Variants in SPTA1 observed in about 807,000 individuals in gnomAD.
The protein encoded by SPTA1 is spectrin alpha, erythrocytic 1, also known as spectrin alpha chain, erythrocytic 1.
SPTA1 carries 177 observed loss-of-function variants against 324.7 expected under a neutral mutation model. The observed-to-expected ratio is 0.55, with a 90% CI of 0.48 to 0.62. SPTA1 has a LOEUF of 0.62. Ranked by LOEUF, SPTA1 falls within the 20% of genes least tolerant of loss-of-function variation. The pLI is 0.00. For synonymous variants in SPTA1, 1,195 were observed against 1,041.3 expected (o/e 1.15, Z -2.84); for missense variants, 3,162 against 2,883.6 (o/e 1.10, Z -2.21).
intron 7 of SPTA1, 43 bp from the exon 8 acceptor site, chr1:158,676,338 T>C: frequency 1.9e-6 from 3 of 1,609,570 alleles, no homozygotes; most frequent in African/African-American, 1.3e-5. Flanking sequence ...CCAAGTACTC[T>C]GACTCCCCCT....
In SPTA1 at chr1:158,686,654, C is replaced by T; in HGVS notation, c.-137G>A. On this transcript the variant is annotated 5_prime_UTR_variant, in exon 1 of 52. Coordinates refer to ENST00000643759, the MANE Select transcript of SPTA1 (RefSeq NM_003126.4). ...TAAGTATGTGGGGGAAAAAAAAAAA[C>T]CTCTTGCTTGGTCCTAGAATCCCAT... 1 of 622,628 alleles carries T rather than the reference C, an allele frequency of 1.6e-6. No homozygotes were observed. Among genetic ancestry groups the T allele is most frequent in the East Asian group, 2.9e-5 (1 of 34,784 alleles). 38.6% of individuals were successfully genotyped at this position (622,628 alleles called of 1,614,324 possible).
chr1:158,615,463 G>A, intron 47 of SPTA1, 60 bp from the exon 48 acceptor site: 6 of 1,524,746 alleles, frequency 3.9e-6, no homozygotes, highest in Non-Finnish European at 5.5e-6. Context: ...TCAAAACCTA[G>A]AGGTGGAAGA....
chr1:158,674,319 A>G lies in SPTA1; in HGVS notation c.1350+10T>C. ...ATTGGAATTTGACAAACTCTGTTAA[A>G]CTAGATTACCTTTTCCCGAACTTCA... On this transcript the variant is annotated intron_variant, in intron 10 of 51. Coordinates refer to ENST00000643759, the MANE Select transcript of SPTA1 (RefSeq NM_003126.4). 2 of 1,613,450 alleles carry G rather than the reference A, an allele frequency of 1.2e-6. No homozygotes were observed. The highest frequency in any genetic ancestry group is 1.7e-6 in the Non-Finnish European group (2 of 1,179,394).
intron 18 of SPTA1, among the ~76,000 whole-genome samples, chr1:158,658,299 C>G (rs1026342932): frequency 6.6e-6 from 1 of 152,130 alleles, no homozygotes; most frequent in Admixed American, 6.5e-5. Context: ...GACAAGAGAA[C>G]TAGAACTTGT....
At chr1:158,654,882 A>T in intron 20 of SPTA1, 134 bp from the exon 21 acceptor site, 1 of 1,191,456 alleles carries the variant, frequency 8.4e-7, no homozygotes. Context: ...GTGGCTGCAG[A>T]GATTAAAGTA....
rs553043635 is a variant in SPTA1 at position 158,613,842 on chromosome 1, G to A, written c.6868C>T (p.Arg2290Cys). The change falls in exon 50 of 52, where the codon CGC becomes TGC. Residue 2290 changes from arginine (R) to cysteine (C), a missense_variant. Transcript: ENST00000643759. ...YKHFDENLTGRLTHKEFRSCL... is the reference protein window; with the variant it reads ...YKHFDENLTGCLTHKEFRSCL... ...GACCGGAACTCTTTGTGAGTCAGGC[G>A]CCCTGTCAAATTCTCATCAAAGTGT... The A allele has an allele frequency of 5.7e-5, 92 of 1,613,644 alleles. No homozygotes were observed. Among genetic ancestry groups the A allele is most frequent in the Middle Eastern group, 1.6e-4 (1 of 6,074 alleles).
Position 158,666,480 on chromosome 1 carries a change from C to A in SPTA1, c.2056G>T (p.Ala686Ser). The change falls in exon 16 of 52, where the codon GCC (alanine) becomes TCC (serine). Residue 686 changes from alanine to serine, a missense_variant. Coordinates refer to ENST00000643759, the MANE Select transcript of SPTA1 (RefSeq NM_003126.4). ...TKQKGTQLHE[A>S]NQQLQFENNA... ...TTTTCAAATTGCAGCTGCTGGTTGG[C>A]CTCATGCAACTGGGTCCCTGGGAGA... The A allele has an allele frequency of 6.2e-7, 1 of 1,609,590 alleles. No individual in the cohort carries two copies. The highest frequency in any genetic ancestry group is 8.5e-7 in the Non-Finnish European group (1 of 1,179,940).
At chr1:158,623,970 G>A (rs1462125137) in intron 42 of SPTA1, among the ~76,000 whole-genome samples, 4 of 152,332 alleles carry the variant, frequency 2.6e-5, no homozygotes, top group Middle Eastern at 3.4e-3. Flanking sequence ...AAGGGGCCAA[G>A]GTGCAACTCA....
intron 35 of SPTA1, 175 bp downstream of exon 35, chr1:158,639,407 C>T (rs1359311159): frequency 1.5e-6 from 1 of 659,330 alleles, no homozygotes; most frequent in Non-Finnish European, 2.7e-6. Flanking sequence ...TTATCAGTGA[C>T]AGTTTTAATG....
intron 16 of SPTA1, 54 bp downstream of exon 16, chr1:158,666,262 G>C: frequency 6.3e-7 from 1 of 1,585,448 alleles, no homozygotes. Context: ...TAACGAGTGT[G>C]CTCAGAGCAT....
At position 158,643,334 on chromosome 1, in the gene SPTA1, C is replaced by T. The variant is rs370469842; in HGVS notation, c.4430G>A (p.Arg1477His). ...AKEEIATRLQ[R>H]VLDRWKALKA... ...ACTCAGGCCTGACCTGTCTAGTACA[C>T]GTTGGAGCCGCGTAGCAATCTCTTC... Residue 1477 changes from arginine (R) to histidine (H), a missense_variant, in exon 31 of 52, where the codon CGT becomes CAT. By Grantham distance (29) the Arg-to-His change is conservative. Transcript: ENST00000643759. 28 of 1,613,746 alleles carry T rather than the reference C, an allele frequency of 1.7e-5. No individual in the cohort carries two copies. Among genetic ancestry groups the T allele is most frequent in the East Asian group, 4.5e-5 (2 of 44,874 alleles).
In SPTA1 at chr1:158,651,468, C is replaced by T. The variant is rs146014855; in HGVS notation, c.3376G>A (p.Asp1126Asn). Residue 1126 changes from aspartate to asparagine, a missense_variant and splice_region_variant, in exon 24 of 52, where the codon GAT (aspartate) becomes AAT (asparagine). Coordinates refer to ENST00000643759, the MANE Select transcript of SPTA1 (RefSeq NM_003126.4). ...LQKKFDEFQK[D>N]LNTNEPRLRD... The stretch of plus-strand genomic sequence containing the variant: ...AGCCGAGGCTCATTGGTATTCAAAT[C>T]CTGAATGGGAAAATTCATCCAAAGC... The T allele has an allele frequency of 1.9e-6, 3 of 1,602,202 alleles. No homozygotes were observed. The highest frequency in any genetic ancestry group is 1.3e-5 in the African/African-American group (1 of 74,740).
At chr1:158,668,622 A>G (rs1329533980) in intron 14 of SPTA1, among the ~76,000 whole-genome samples, 1 of 152,226 alleles carries the variant, frequency 6.6e-6, no homozygotes, top group African/African-American at 2.4e-5. Context: ...CGGCCTAGAA[A>G]TCAAAAGCCT....
Position 158,672,161 on chromosome 1 carries a change from C to A in SPTA1, c.1386G>T (p.Leu462=). 6.2e-7 allele frequency: 1 copy of A among 1,614,020 alleles called. No homozygotes were observed. Among genetic ancestry groups the A allele is most frequent in the Non-Finnish European group, 8.5e-7 (1 of 1,179,962 alleles). ...GACGATGACGCTCGTCCCACAGTTC[C>A]AGCAGGGCAGTCCAGTTGTTGTCAA... ...EILDNNWTAL[L]ELWDERHRQY... Residue 462 remains leucine (L), a synonymous_variant, in exon 11 of 52, where the codon CTG becomes CTT. Coordinates refer to ENST00000643759, the MANE Select transcript of SPTA1 (RefSeq NM_003126.4).
intron 39 of SPTA1, among the ~76,000 whole-genome samples, chr1:158,633,184 G>T (rs896090939): frequency 7.9e-5 from 12 of 152,082 alleles, no homozygotes; most frequent in East Asian, 1.9e-4. Context: ...AAGAGGAGGT[G>T]GCTATAAAAA....
rs1649208450 is a variant in SPTA1 at position 158,610,879 on chromosome 1, G to A, written c.*385C>T. On this transcript the variant is annotated 3_prime_UTR_variant, in exon 52 of 52. Coordinates refer to ENST00000643759, the MANE Select transcript of SPTA1 (RefSeq NM_003126.4). ...GAGTACAGTTCCCAGAAATATAGAA[G>A]CTCAACATTTTACTTAACTTTGCCC... The A allele has an allele frequency of 9.8e-6, 2 of 204,194 alleles. No individual in the cohort carries two copies. The highest frequency in any genetic ancestry group is 2.0e-5 in the Non-Finnish European group (2 of 99,442). 12.6% of individuals were successfully genotyped at this position (204,194 alleles called of 1,614,324 possible).
At chr1:158,618,018 A>T (rs1170780789) in intron 46 of SPTA1, 21 bp downstream of exon 46, 1 of 1,607,494 alleles carries the variant, frequency 6.2e-7, no homozygotes, top group African/African-American at 1.3e-5. Context: ...AGCAAACATG[A>T]TGATAACATA....
chr1:158,661,227 C>G (rs1653181966), intron 18 of SPTA1, 60 bp downstream of exon 18: 1 of 1,612,730 alleles, frequency 6.2e-7, no homozygotes, highest in Non-Finnish European at 8.5e-7. Flanking sequence ...ATAGTACAAA[C>G]TTCTTCCCAG....
In SPTA1 at chr1:158,613,896, T is replaced by C. The variant is rs1212832822; in HGVS notation, c.6843-29A>G. 4 of 1,607,838 alleles carry C rather than the reference T, an allele frequency of 2.5e-6. No individual in the cohort carries two copies. The African/African-American group carries it at 5.3e-5, about 21-fold the overall frequency. ...AAGGATAAAAAAAGAAAAAAAAATT[T>C]ATCAAGCTCAATAGAAAAACCAAGT... On this transcript the variant is annotated intron_variant, in intron 49 of 51. Coordinates refer to ENST00000643759, the MANE Select transcript of SPTA1 (RefSeq NM_003126.4).
Sources: allele counts gnomAD v4.1 joint callset (sites outside exome capture counted in the v4.1 genomes callset), GRCh38; gene constraint gnomAD v4.1.1; transcripts MANE v1.5; gene names NCBI Gene and HGNC (gene_info 2026-07-23, HGNC 2026-07-21).